Variants in MACROD2 observed in about 807,000 individuals in gnomAD.
The protein encoded by MACROD2 is ADP-ribose glycohydrolase MACROD2.
A neutral mutation model predicts 70.4 loss-of-function variants in MACROD2; 36 were observed. The observed-to-expected ratio is 0.51, with a 90% CI of 0.39 to 0.68. The LOEUF is 0.68. MACROD2 is among the 30% of genes least tolerant of loss of function. MACROD2 has a pLI of 0.00. For missense variants in MACROD2, 496 were observed against 538.4 expected, an observed-to-expected ratio of 0.92 and a Z score of 0.78; for synonymous variants, 172 against 178.8, an observed-to-expected ratio of 0.96 and a Z score of 0.30.
At chr20:14,492,976 A>G (rs2123104741) in intron 3 of MACROD2, among the ~76,000 whole-genome samples, 1 of 152,234 alleles carries the variant, frequency 6.6e-6, no homozygotes, top group East Asian at 1.9e-4. Context: ...CCTCAAAATA[A>G]AAAGTTAATA....
At chr20:14,014,645 C>G (rs901360184) in intron 2 of MACROD2, among the ~76,000 whole-genome samples, 2 of 152,000 alleles carry the variant, frequency 1.3e-5, no homozygotes, top group African/African-American at 4.8e-5. Context: ...ATTCACTTGC[C>G]ATTTTTTCCT....
At chr20:15,819,322 T>A (rs1251297176) in intron 8 of MACROD2, among the ~76,000 whole-genome samples, 2 of 141,866 alleles carry the variant, frequency 1.4e-5, no homozygotes, top group African/African-American at 5.1e-5. Flanking sequence ...TACTTATATA[T>A]AAATATAAAT....
chr20:14,311,833 G>C (rs185328541), intron 3 of MACROD2, among the ~76,000 whole-genome samples: 36 of 152,060 alleles, frequency 2.4e-4, no homozygotes, highest in Admixed American at 1.2e-3. Context: ...GCATATCTTT[G>C]TTGAGGACGT....
At chr20:14,631,371 A>G (rs1009408824) in intron 4 of MACROD2, among the ~76,000 whole-genome samples, 9 of 152,212 alleles carry the variant, frequency 5.9e-5, no homozygotes, top group Non-Finnish European at 1.0e-4. Context: ...TTTTCTGCCT[A>G]TAAAGCCATA....
intron 5 of MACROD2, among the ~76,000 whole-genome samples, chr20:15,115,207 G>T (rs1218539004): frequency 6.6e-6 from 1 of 151,986 alleles, no homozygotes; most frequent in Non-Finnish European, 1.5e-5. Flanking sequence ...TTGTCTCTCT[G>T]GGTTGTATTA....
At chr20:15,259,583 C>G (rs1360498398) in intron 6 of MACROD2, among the ~76,000 whole-genome samples, 1 of 151,826 alleles carries the variant, frequency 6.6e-6, no homozygotes, top group African/African-American at 2.4e-5. Flanking sequence ...TTTTTAAAGC[C>G]ATACATTTAT....
intron 3 of MACROD2, among the ~76,000 whole-genome samples, chr20:14,220,371 C>T (rs1002562468): frequency 1.3e-5 from 2 of 152,158 alleles, no homozygotes; most frequent in Non-Finnish European, 2.9e-5. Context: ...GCTGGTCTCA[C>T]TCCCCCAGTG....
intron 6 of MACROD2, among the ~76,000 whole-genome samples, chr20:15,372,190 A>T (rs1042645756): frequency 1.3e-5 from 2 of 152,234 alleles, no homozygotes; most frequent in Admixed American, 6.5e-5. Flanking sequence ...AACAGGGAAC[A>T]TCTTTGCACA....
At chr20:15,887,206 C>T (rs575227290) in intron 10 of MACROD2, among the ~76,000 whole-genome samples, 35 of 152,244 alleles carry the variant, frequency 2.3e-4, no homozygotes, top group African/African-American at 6.3e-4. Context: ...TCTCCCTCCC[C>T]GGACTGCCCA....
At chr20:15,725,204 T>C (rs938690430) in intron 8 of MACROD2, among the ~76,000 whole-genome samples, 10 of 152,262 alleles carry the variant, frequency 6.6e-5, no homozygotes, top group African/African-American at 2.4e-4. Flanking sequence ...CTTGACAATA[T>C]TGAGTTTTTC....
chr20:15,593,727 G>A (rs1371325588), intron 8 of MACROD2, among the ~76,000 whole-genome samples: 1 of 152,158 alleles, frequency 6.6e-6, no homozygotes, highest in Non-Finnish European at 1.5e-5. Flanking sequence ...CTGAATAGCT[G>A]TTTCTCTGCT....
intron 6 of MACROD2, among the ~76,000 whole-genome samples, chr20:15,289,858 G>A (rs934286601): frequency 1.3e-5 from 2 of 152,126 alleles, no homozygotes; most frequent in African/African-American, 4.8e-5. Flanking sequence ...CAAAATGTAA[G>A]GCAATGACAA....
chr20:14,899,606 T>A (rs550673486), intron 5 of MACROD2, among the ~76,000 whole-genome samples: 1 of 152,292 alleles, frequency 6.6e-6, no homozygotes, highest in East Asian at 1.9e-4. Flanking sequence ...GACTAGGGTT[T>A]GCCCTAATGA....
At chr20:14,648,240 A>G (rs1255855211) in intron 4 of MACROD2, among the ~76,000 whole-genome samples, 1 of 152,194 alleles carries the variant, frequency 6.6e-6, no homozygotes, top group Non-Finnish European at 1.5e-5. Context: ...ATGTAAGATG[A>G]CTAGGCCTGT....
intron 6 of MACROD2, among the ~76,000 whole-genome samples, chr20:15,415,790 C>CAATA (rs2046139890): frequency 6.6e-6 from 1 of 152,150 alleles, no homozygotes; most frequent in Admixed American, 6.5e-5. Flanking sequence ...TATATCCATG[C>CAATA]AATAAGTGAC....
intron 6 of MACROD2, among the ~76,000 whole-genome samples, chr20:15,315,445 C>G (rs1259989099): frequency 6.6e-6 from 1 of 152,086 alleles, no homozygotes; most frequent in Admixed American, 6.5e-5. Flanking sequence ...TGAAAAGCAA[C>G]AAGGGAGCAG....
intron 10 of MACROD2, among the ~76,000 whole-genome samples, chr20:15,913,146 G>C (rs1471709009): frequency 6.6e-6 from 1 of 151,860 alleles, no homozygotes; most frequent in Non-Finnish European, 1.5e-5. Flanking sequence ...ATTCAAAAAT[G>C]GTAGCTATTA....
intron 3 of MACROD2, among the ~76,000 whole-genome samples, chr20:14,438,659 T>C (rs2084086246): frequency 6.6e-6 from 1 of 152,200 alleles, no homozygotes; most frequent in African/African-American, 2.4e-5. Flanking sequence ...TCCCCGATGA[T>C]TAAAGATTAG....
At chr20:15,233,350 G>A (rs1488204512) in intron 6 of MACROD2, among the ~76,000 whole-genome samples, 1 of 152,068 alleles carries the variant, frequency 6.6e-6, no homozygotes, top group Non-Finnish European at 1.5e-5. Flanking sequence ...CCTGGGGGAG[G>A]AGAATTGGAG....
Sources: gnomAD v4.1 joint callset for allele counts (sites outside exome capture counted in the v4.1 genomes callset) on GRCh38, gnomAD v4.1.1 for gene constraint, MANE v1.5 for transcripts, NCBI Gene and HGNC (gene_info 2026-07-23, HGNC 2026-07-21) for gene names.